POLQ: variants seen among roughly 807,000 people sequenced by gnomAD.
The protein encoded by POLQ is DNA polymerase theta, also known as epididymis secretory sperm binding protein.
POLQ carries 233 observed loss-of-function variants against 259.2 expected under a neutral mutation model. The ratio of observed to expected loss-of-function variants is 0.90; its 90% CI spans 0.81 to 1.00. The LOEUF (loss-of-function observed/expected upper bound fraction) is 1.00. Among genes scored for constraint, POLQ ranks in the 50% least tolerant of loss-of-function variants. POLQ has a pLI of 0.00. For missense variants in POLQ, 2,871 were observed against 3,051.6 expected (o/e 0.94, Z 1.39); for synonymous variants, 1,025 against 1,048.8 (o/e 0.98, Z 0.44).
chr3:121,503,956 G>A (rs2048191216), intron 12 of POLQ, among the ~76,000 whole-genome samples: 1 of 152,140 alleles, frequency 6.6e-6, no homozygotes, highest in Admixed American at 6.5e-5. Context: ...AGGTTCAGGT[G>A]ATTCTTCTGC....
intron 20 of POLQ, among the ~76,000 whole-genome samples, chr3:121,473,919 A>G (rs1358097431): frequency 6.6e-6 from 1 of 151,838 alleles, no homozygotes; most frequent in African/African-American, 2.4e-5. Context: ...TAGAGACAGG[A>G]TTTCGCCATG....
rs1560093738 is a variant in POLQ at position 121,476,573 on chromosome 3, A to G, written c.6372T>C (p.Ser2124=). 1 of 1,613,600 alleles carries G rather than the reference A, an allele frequency of 6.2e-7. No individual in the cohort carries two copies. Among genetic ancestry groups the G allele is most frequent in the Non-Finnish European group, 8.5e-7 (1 of 1,179,830 alleles). ...TGTCATCTGAACTGGTGAAAGAAAA[A>G]CTGTGGCCAGCTAGTTGATAGGCCT... ...ETQAYQLAGH[S]FSFTSSDDIA... is the part of the protein sequence containing the mutation. Residue 2124 remains serine, a synonymous_variant, in exon 20 of 30, where the codon AGT becomes AGC. Coordinates refer to ENST00000264233, the MANE Select transcript of POLQ (RefSeq NM_199420.4).
intron 6 of POLQ, among the ~76,000 whole-genome samples, chr3:121,530,927 A>C (rs1026222544): frequency 2.6e-5 from 4 of 152,298 alleles, no homozygotes; most frequent in Non-Finnish European, 5.9e-5. Flanking sequence ...GACAGGGCGC[A>C]GTGGCTCACT....
In POLQ at chr3:121,483,474, G is replaced by A. The variant is rs1316881940; in HGVS notation, c.5882C>T (p.Ser1961Phe). 2 of 1,607,178 alleles carry A rather than the reference G, an allele frequency of 1.2e-6. No individual in the cohort carries two copies. The highest frequency in any genetic ancestry group is 4.5e-5 in the East Asian group (2 of 44,588). ...CTGGATGAAGTCATAGATGACAACA[G>A]AACATTCTTTATCAGATTCCTTTCG... ...CLRKESDKEC[S>F]VVIYDFIQSY... Residue 1961 changes from serine (S) to phenylalanine (F), a missense_variant, in exon 18 of 30, where the codon TCT becomes TTT. Physicochemically the swap from Ser to Phe is radical, Grantham distance 155. Coordinates refer to ENST00000264233, the MANE Select transcript of POLQ (RefSeq NM_199420.4).
At chr3:121,545,690 G>A in intron 1 of POLQ, 25 bp downstream of exon 1, 1 of 1,529,558 alleles carries the variant, frequency 6.5e-7, no homozygotes, top group Non-Finnish European at 8.8e-7. Flanking sequence ...CCCGTTGCCC[G>A]CGGCCTCCCG....
intron 24 of POLQ, among the ~76,000 whole-genome samples, chr3:121,463,479 T>C (rs375385816): frequency 1.3e-5 from 2 of 152,194 alleles, no homozygotes; most frequent in South Asian, 2.1e-4. Context: ...ATAGATTCTA[T>C]AGGTAACCTA....
chr3:121,519,380 A>ATT (rs1246061637), intron 9 of POLQ, among the ~76,000 whole-genome samples: 2 of 147,334 alleles, frequency 1.4e-5, no homozygotes, highest in Non-Finnish European at 3.0e-5. Flanking sequence ...ATATATATAT[A>ATT]TATATGAAAA....
intron 13 of POLQ, 121 bp downstream of exon 13, chr3:121,498,356 T>A: frequency 1.6e-6 from 1 of 621,212 alleles, no homozygotes; most frequent in Non-Finnish European, 2.7e-6. Context: ...AACTGAAAAA[T>A]CTTATACTCT....
intron 8 of POLQ, 113 bp from the exon 9 acceptor site, chr3:121,520,196 AT>A: frequency 1.5e-6 from 1 of 667,198 alleles, no homozygotes; most frequent in Non-Finnish European, 2.6e-6. Flanking sequence ...TTTTGAAACT[AT>A]TGTTATGACT....
chr3:121,463,842 T>G (rs568306494), intron 24 of POLQ, among the ~76,000 whole-genome samples: 23 of 152,316 alleles, frequency 1.5e-4, no homozygotes, highest in African/African-American at 5.5e-4. Flanking sequence ...AAAAGATTTA[T>G]GTTTAGTTTT....
intron 14 of POLQ, 139 bp from the exon 15 acceptor site, chr3:121,493,860 C>T (rs1214955007): frequency 2.8e-6 from 2 of 708,962 alleles, no homozygotes; most frequent in Non-Finnish European, 4.6e-6. Flanking sequence ...TGTAAGTTAA[C>T]AAGGGAGCAG....
At chr3:121,490,752 A>C (rs1274504402) in intron 15 of POLQ, among the ~76,000 whole-genome samples, 1 of 152,178 alleles carries the variant, frequency 6.6e-6, no homozygotes, top group Non-Finnish European at 1.5e-5. Context: ...AAGCCATAAA[A>C]CTTTCATTGA....
Position 121,513,463 on chromosome 3 carries a change from A to G in POLQ, c.1469-1434T>C, listed in dbSNP as rs572235459. On this transcript the variant is annotated intron_variant, in intron 9 of 29. Coordinates refer to ENST00000264233, the MANE Select transcript of POLQ (RefSeq NM_199420.4). Reference sequence around the variant, plus strand: ...CTAAAAATACAAAAATTAGCTGGGCATGGTGGCACGCACCTGTAGTCCCAG... The same window carrying G: ...CTAAAAATACAAAAATTAGCTGGGCGTGGTGGCACGCACCTGTAGTCCCAG... Among the ~76,000 whole-genome samples the G allele has an allele frequency of 2.9e-3, 433 of 151,662 alleles. 2 individuals are homozygous for G. The highest frequency in any genetic ancestry group is 1.3e-3 in the Non-Finnish European group (85 of 67,868).
chr3:121,498,367 G>A, intron 13 of POLQ, 110 bp downstream of exon 13: 1 of 693,564 alleles, frequency 1.4e-6, no homozygotes, highest in Non-Finnish European at 2.3e-6. Context: ...CTTATACTCT[G>A]CCAAAATTTT....
Position 121,499,397 on chromosome 3 carries a change from G to A in POLQ, c.1960-727C>T, listed in dbSNP as rs1246315023. Among the ~76,000 whole-genome samples, 3 of 151,950 alleles carry A rather than the reference G, an allele frequency of 2.0e-5. No individual in the cohort carries two copies. In the East Asian group the frequency reaches 5.8e-4, roughly 29 times the overall value. ...CCTCCCAAGTAGCTGGGGCTACAAG[G>A]TGAGTGCCACCACGTCTGCCTAATT... On this transcript the variant is annotated intron_variant, in intron 12 of 29. Coordinates refer to ENST00000264233, the MANE Select transcript of POLQ (RefSeq NM_199420.4).
At chr3:121,442,888 CT>C (rs970833294) in intron 26 of POLQ, among the ~76,000 whole-genome samples, 17 of 152,020 alleles carry the variant, frequency 1.1e-4, no homozygotes, top group Non-Finnish European at 2.2e-4. Context: ...GAGATGGAGT[CT>C]CACTCTGTTG....
chr3:121,532,876 T>C, intron 6 of POLQ, 114 bp downstream of exon 6: 1 of 702,798 alleles, frequency 1.4e-6, no homozygotes, highest in Non-Finnish European at 2.4e-6. Context: ...TTAATATTAA[T>C]CCTAATGTAT....
In POLQ at chr3:121,533,050, A is replaced by G; in HGVS notation, c.900T>C (p.Asn300=). ...GTTTCATTGAAGAGTCATATATGGA[A>G]TTTCCAACTTTTACTGACTCCAAAA... is the stretch of plus-strand genomic sequence containing the variant. The part of the protein sequence containing the change: ...VPLLESVKVG[N]SIYDSSMKLV... The change falls in exon 6 of 30, where the codon AAT becomes AAC. Residue 300 remains asparagine, a synonymous_variant. Coordinates refer to ENST00000264233, the MANE Select transcript of POLQ (RefSeq NM_199420.4). 6.2e-7 allele frequency: 1 copy of G among 1,614,030 alleles called. No homozygotes were observed. The highest frequency in any genetic ancestry group is 1.1e-5 in the South Asian group (1 of 91,072).
chr3:121,485,980 TC>T (rs1277462677), intron 16 of POLQ, among the ~76,000 whole-genome samples: 1 of 152,282 alleles, frequency 6.6e-6, no homozygotes, highest in South Asian at 2.1e-4. Flanking sequence ...CTACAACTGG[TC>T]CCCACAATCC....
Sources: allele counts gnomAD v4.1 joint callset (sites outside exome capture counted in the v4.1 genomes callset), GRCh38; gene constraint gnomAD v4.1.1; transcripts MANE v1.5; gene names NCBI Gene and HGNC (gene_info 2026-07-23, HGNC 2026-07-21).